The following SPAG17 variants were observed in gnomAD, a reference collection of about 807,000 sequenced individuals.
SPAG17 encodes the protein sperm associated antigen 17.
A neutral mutation model predicts 273.6 loss-of-function variants in SPAG17; 169 were observed. The ratio of observed to expected loss-of-function variants is 0.62; its 90% confidence interval spans 0.55 to 0.70. SPAG17 has a LOEUF of 0.70. SPAG17 is among the 30% of genes least tolerant of loss of function. The probability of loss-of-function intolerance (pLI) is 0.00; values close to 1 mark genes in which losing one functional copy is unlikely to be tolerated. For missense variants in SPAG17, 2,557 were observed against 2,627.8 expected (o/e 0.97, Z 0.59); for synonymous variants, 825 against 873.2 (o/e 0.94, Z 0.97).
In SPAG17 at chr1:118,115,445, T is replaced by C. The variant is rs1448037564; in HGVS notation, c.316-4A>G. On this transcript the variant is annotated splice_polypyrimidine_tract_variant and splice_region_variant and intron_variant, in intron 3 of 48. Coordinates refer to ENST00000336338, the MANE Select transcript of SPAG17 (RefSeq NM_206996.4). ...TTGCTTTTGCTGCCGTTAACACCTA[T>C]ACAGAAACACAATTATTAGAAAAAG... 10 of 1,605,014 alleles carry C rather than the reference T, an allele frequency of 6.2e-6. No homozygotes were observed. The highest frequency in any genetic ancestry group is 1.1e-5 in the South Asian group (1 of 89,682).
At chr1:118,183,054 C>G (rs2102414425) in intron 1 of SPAG17, among the ~76,000 whole-genome samples, 1 of 152,226 alleles carries the variant, frequency 6.6e-6, no homozygotes, top group Admixed American at 6.5e-5. Context: ...AAAGCCTACC[C>G]AACATGAACA....
intron 4 of SPAG17, among the ~76,000 whole-genome samples, chr1:118,108,982 G>A (rs551660150): frequency 5.9e-5 from 9 of 152,038 alleles, no homozygotes; most frequent in Non-Finnish European, 1.0e-4. Context: ...CTAGTTATTG[G>A]ATGCTTCAAA....
intron 21 of SPAG17, 89 bp from the exon 22 acceptor site, chr1:118,040,930 G>T: frequency 1.2e-6 from 1 of 825,316 alleles, no homozygotes; most frequent in Non-Finnish European, 2.1e-6. Context: ...GTTGCCAGAA[G>T]CTTAATTTCT....
At chr1:118,017,259 A>G (rs1041976824) in intron 28 of SPAG17, among the ~76,000 whole-genome samples, 8 of 152,040 alleles carry the variant, frequency 5.3e-5, no homozygotes, top group Non-Finnish European at 1.2e-4. Context: ...CTTTTTTTCT[A>G]TATTCTCCCT....
intron 20 of SPAG17, among the ~76,000 whole-genome samples, chr1:118,045,638 C>T (rs547261637): frequency 3.3e-5 from 5 of 152,280 alleles, no homozygotes; most frequent in South Asian, 2.1e-4. Context: ...AGCTAGTTAT[C>T]GAACCCAAGG....
intron 3 of SPAG17, among the ~76,000 whole-genome samples, chr1:118,129,286 A>C (rs1657922154): frequency 6.6e-6 from 1 of 152,206 alleles, no homozygotes; most frequent in Non-Finnish European, 1.5e-5. Context: ...ATATGGAGAG[A>C]TTTATGCCTT....
chr1:117,964,236 CTTT>C (rs373131863), intron 47 of SPAG17: 404 of 131,654 alleles, frequency 3.1e-3, no homozygotes, highest in East Asian at 8.1e-3. Flanking sequence ...AGATTTCATG[CTTT>C]TTTTTTTTTT....
At chr1:117,956,265 G>A (rs536927765) in intron 48 of SPAG17, among the ~76,000 whole-genome samples, 15 of 152,202 alleles carry the variant, frequency 9.9e-5, no homozygotes, top group Non-Finnish European at 1.9e-4. Flanking sequence ...TTTGAGACCA[G>A]CCTGGGCACC....
chr1:117,958,313 A>G (rs1401744140), intron 48 of SPAG17, among the ~76,000 whole-genome samples: 1 of 152,252 alleles, frequency 6.6e-6, no homozygotes, highest in Non-Finnish European at 1.5e-5. Flanking sequence ...ACTTGTAAAG[A>G]CATAAGTTCA....
Position 118,005,521 on chromosome 1 carries a change from A to T in SPAG17, c.4669T>A (p.Tyr1557Asn). 6.2e-7 allele frequency: 1 copy of T among 1,612,850 alleles called. No homozygotes were observed. ...VYCHESSSNI[Y>N]YPFQKREQLR... ...TGCTCACGCTTTTGAAAAGGATAGT[A>T]TATATTACTGCTTGACTCATGGCAG... The change falls in exon 32 of 49, where the codon TAC becomes AAC. Residue 1557 changes from tyrosine to asparagine, a missense_variant. Coordinates refer to ENST00000336338, the MANE Select transcript of SPAG17 (RefSeq NM_206996.4).
chr1:118,132,013 T>C (rs1208100623), intron 3 of SPAG17, among the ~76,000 whole-genome samples: 3 of 152,332 alleles, frequency 2.0e-5, no homozygotes, highest in African/African-American at 4.8e-5. Flanking sequence ...GCCCTGCCCA[T>C]AGTGAGCTTT....
chr1:118,075,724 G>A (rs892665111), intron 15 of SPAG17, among the ~76,000 whole-genome samples: 1 of 152,096 alleles, frequency 6.6e-6, no homozygotes, highest in Admixed American at 6.6e-5. Context: ...AACTCTTTAA[G>A]CACAACTCTT....
At chr1:118,103,870 T>TGTGTGTGTGTGA (rs1405821179) in intron 4 of SPAG17, among the ~76,000 whole-genome samples, 13 of 151,314 alleles carry the variant, frequency 8.6e-5, no homozygotes, top group Non-Finnish European at 1.3e-4. Flanking sequence ...TGTGTGTGTG[T>TGTGTGTGTGTGA]GAAGATCCTA....
chr1:118,016,111 G>A lies in SPAG17; in HGVS notation c.4141C>T (p.Gln1381Ter). 6.2e-7 allele frequency: 1 copy of A among 1,614,040 alleles called. No homozygotes were observed. The part of the protein sequence containing the change: ...EIHDPPPEAV[Q>*]TVTPVEVHIG... ...TGAACCTCCACAGGAGTTACAGTTTGAACTGCCTCTGGAGGAGGGTCATGG... is the reference window on the plus strand; with the variant it reads ...TGAACCTCCACAGGAGTTACAGTTTAAACTGCCTCTGGAGGAGGGTCATGG... Residue 1381 changes from glutamine to a stop codon, truncating the protein, a stop_gained, in exon 29 of 49, where the codon CAA (glutamine) becomes TAA (stop). Transcript: ENST00000336338. LOFTEE classifies it high-confidence loss of function.
intron 4 of SPAG17, among the ~76,000 whole-genome samples, chr1:118,105,271 T>G (rs926950834): frequency 3.3e-5 from 5 of 152,188 alleles, no homozygotes; most frequent in Non-Finnish European, 5.9e-5. Context: ...AGTTATCTTA[T>G]GTCAGAGAGT....
chr1:118,139,475 A>T (rs1365631509), intron 3 of SPAG17, among the ~76,000 whole-genome samples: 2 of 152,228 alleles, frequency 1.3e-5, no homozygotes, highest in African/African-American at 2.4e-5. Flanking sequence ...TTTACCCAAA[A>T]GATTTGAAAT....
rs765180640 is a variant in SPAG17, at chr1:117,992,511, C to T, written c.5316G>A (p.Glu1772=). ...TCAGTTTCACCTCATTCTTTATGAC[C>T]TCATGCTGAATGAATTGGCGCATCT... ...VLQMRQFIQH[E]VIKNEVKLRL... Residue 1772 remains glutamate, a synonymous_variant, in exon 36 of 49, where the codon GAG becomes GAA. Coordinates refer to ENST00000336338, the MANE Select transcript of SPAG17 (RefSeq NM_206996.4). 9.0e-5 allele frequency: 145 copies of T among 1,613,286 alleles called. 1 individual carries two copies. In the Admixed American group the frequency reaches 2.4e-3, roughly 26 times the overall value.
chr1:118,178,608 G>A (rs976766163), intron 1 of SPAG17, among the ~76,000 whole-genome samples: 12 of 151,972 alleles, frequency 7.9e-5, no homozygotes, highest in African/African-American at 2.4e-4. Context: ...AAGAGATAGA[G>A]ATGAAGGACA....
chr1:118,126,044 T>G (rs1033209562), intron 3 of SPAG17, among the ~76,000 whole-genome samples: 3 of 5,576 alleles, frequency 5.4e-4, no homozygotes, highest in African/African-American at 5.6e-4. Context: ...TTATTTTCTG[T>G]TTTTTTTTTT....
Sources: gnomAD v4.1 joint callset for allele counts (sites outside exome capture counted in the v4.1 genomes callset) on GRCh38, gnomAD v4.1.1 for gene constraint, MANE v1.5 for transcripts, NCBI Gene and HGNC (gene_info 2026-07-23, HGNC 2026-07-21) for gene names.